The following CHID1 variants were observed in gnomAD, a reference collection of about 807,000 sequenced individuals.
The protein encoded by CHID1 is chitinase domain containing 1.
In CHID1, 44 loss-of-function variants were observed where a neutral mutation model predicts 55.4. The observed-to-expected ratio is 0.79, with a 90% confidence interval of 0.62 to 1.02. The LOEUF is 1.02. Among genes scored for constraint, CHID1 ranks in the 50% least tolerant of loss-of-function variants. The pLI is 0.00. For synonymous variants in CHID1, 216 were observed against 212.9 expected (o/e 1.01, Z -0.13); for missense variants, 491 against 515.3 (o/e 0.95, Z 0.46).
In CHID1 at chr11:870,504, G is replaced by T. The variant is rs1172997286; in HGVS notation, c.960-5C>A. On this transcript the variant is annotated splice_polypyrimidine_tract_variant and splice_region_variant and intron_variant, in intron 10 of 12. Coordinates refer to ENST00000323578, the MANE Select transcript of CHID1 (RefSeq NM_023947.4). ...TCCTTCAGTGTCTGGATGTACCTGGGGAGACCAGGATATGGATTTGGGAGC... is the reference window on the plus strand; with the variant it reads ...TCCTTCAGTGTCTGGATGTACCTGGTGAGACCAGGATATGGATTTGGGAGC... 3 of 1,603,262 alleles carry T rather than the reference G, an allele frequency of 1.9e-6. 1 individual carries two copies. In the Admixed American group the frequency reaches 5.0e-5, roughly 27 times the overall value.
At position 869,636 on chromosome 11, in the gene CHID1, G is replaced by A. The variant is rs1760832240; in HGVS notation, c.*222C>T. 3.4e-6 allele frequency: 2 copies of A among 588,310 alleles called. No homozygotes were observed. Among genetic ancestry groups the A allele is most frequent in the Admixed American group, 3.0e-5 (1 of 33,186 alleles). The allele number at this position is 588,310 out of a possible 1,614,324, so 36.4% of individuals were successfully genotyped here. ...ACAGGAGGCAGCCAGCGGATGCCCGGGTGGGAGGGGCTCGAGCTCTCAGGG... is the reference window on the plus strand; with the variant it reads ...ACAGGAGGCAGCCAGCGGATGCCCGAGTGGGAGGGGCTCGAGCTCTCAGGG... On this transcript the variant is annotated 3_prime_UTR_variant, in exon 13 of 13. Transcript: ENST00000323578.
chr11:896,006 CCTA>C (rs1424010750), intron 7 of CHID1, among the ~76,000 whole-genome samples: 1 of 152,050 alleles, frequency 6.6e-6, no homozygotes, highest in African/African-American at 2.4e-5. Flanking sequence ...CAGCAATCCC[CCTA>C]CTGCCTCCTG....
chr11:914,563 C>T (rs1378406977), upstream of CHID1: 12 of 1,289,236 alleles, frequency 9.3e-6, no homozygotes, highest in Admixed American at 2.3e-4. Flanking sequence ...ATGCCTCTCA[C>T]AGACATCCTC....
At chr11:872,475 G>T (rs1033041570) in intron 10 of CHID1, among the ~76,000 whole-genome samples, 1 of 152,150 alleles carries the variant, frequency 6.6e-6, no homozygotes, top group Non-Finnish European at 1.5e-5. Flanking sequence ...CTCTGGTAAT[G>T]GGATGGCAGC....
chr11:913,925 G>A (rs532660935), upstream of CHID1, among the ~76,000 whole-genome samples: 1 of 152,072 alleles, frequency 6.6e-6, no homozygotes, highest in Non-Finnish European at 1.5e-5. Flanking sequence ...AAAATTAATC[G>A]GACGTGGTGG....
At chr11:913,434 A>G (rs1852799214), upstream of CHID1, among the ~76,000 whole-genome samples, 1 of 152,084 alleles carries the variant, frequency 6.6e-6, no homozygotes, top group Non-Finnish European at 1.5e-5. Context: ...AAAATTGCTT[A>G]ATTGAGTTTA....
rs569810914 is a variant in CHID1, at chr11:875,549, G to A, written c.960-5050C>T. Among the ~76,000 whole-genome samples, 308 of 152,306 alleles carry A rather than the reference G, an allele frequency of 2.0e-3. 2 individuals are homozygous for A. Among genetic ancestry groups the A allele is most frequent in the African/African-American group, 7.2e-3 (298 of 41,570 alleles). The stretch of plus-strand genomic sequence containing the variant: ...TCCTCGTCACTGGCTATCGGAGAGC[G>A]CTGGGGTGTTAGGAGAACACGGTGA... On this transcript the variant is annotated intron_variant, in intron 10 of 12. Transcript: ENST00000323578. The surrounding 1 kb of genome is among the most constrained non-coding windows in gnomAD (Gnocchi z 4.7).
upstream of CHID1, among the ~76,000 whole-genome samples, chr11:911,740 G>C (rs1481313032): frequency 3.2e-4 from 49 of 152,212 alleles, 1 homozygote; most frequent in Admixed American, 3.2e-3. Context: ...GAAGGGGCTG[G>C]GGGCTGCATG....
At chr11:908,989 C>CT (rs1852437741) in intron 1 of CHID1, among the ~76,000 whole-genome samples, 1 of 152,264 alleles carries the variant, frequency 6.6e-6, no homozygotes, top group Non-Finnish European at 1.5e-5. Flanking sequence ...CCTCTGTCCA[C>CT]TCGCGCTTAA....
chr11:893,222 C>T lies in CHID1; in HGVS notation c.701+205G>A, dbSNP rs186798748. Among the ~76,000 whole-genome samples, 397 of 152,342 alleles carry T rather than the reference C, an allele frequency of 2.6e-3. 2 individuals carry two copies. Among genetic ancestry groups the T allele is most frequent in the Admixed American group, 4.8e-3 (73 of 15,308 alleles). On this transcript the variant is annotated intron_variant, in intron 8 of 12. Coordinates refer to ENST00000323578, the MANE Select transcript of CHID1 (RefSeq NM_023947.4). ...TGTCCACTTGGCCCCCAGGTCTGCC[C>T]CTGGGACTCACGTGCTGACTTGGAG... is the stretch of plus-strand genomic sequence containing the variant.
intron 8 of CHID1, 126 bp downstream of exon 8, chr11:893,301 T>C (rs1850977463): frequency 2.7e-6 from 2 of 733,570 alleles, no homozygotes; most frequent in South Asian, 3.6e-5. Flanking sequence ...GAAGCCTCTA[T>C]ACAGACGGGA....
At chr11:893,553 T>C in intron 7 of CHID1, 34 bp from the exon 8 acceptor site, 1 of 1,486,384 alleles carries the variant, frequency 6.7e-7, no homozygotes, top group Non-Finnish European at 9.1e-7. Context: ...CAGCAGTGCC[T>C]GGCACTGAGG....
chr11:894,591 T>C (rs2134257519), intron 7 of CHID1, among the ~76,000 whole-genome samples: 1 of 152,332 alleles, frequency 6.6e-6, no homozygotes, highest in East Asian at 1.9e-4. Context: ...ACTCTCACGC[T>C]GCAGGCCCCT....
upstream of CHID1, chr11:914,166 G>T (rs1173806423): frequency 6.3e-6 from 1 of 158,108 alleles, no homozygotes; most frequent in Admixed American, 6.5e-5. Context: ...ATTGGGTTTT[G>T]AATTTCTAAC....
intron 9 of CHID1, 123 bp from the exon 10 acceptor site, chr11:883,426 TAAAGAA>T: frequency 9.5e-7 from 1 of 1,047,868 alleles, no homozygotes; most frequent in Non-Finnish European, 1.4e-6. Context: ...TAGAGAGTTG[TAAAGAA>T]CAGAAGTCAC....
At position 895,962 on chromosome 11, in the gene CHID1, C is replaced by G. The variant is rs1468224967; in HGVS notation, c.609-2443G>C. Reference sequence around the variant, plus strand: ...GACACGAGGTGCTCGCAGGCTGCTCCCAACCGTCCTCCCCTGCAGTGGCCA... The same window carrying G: ...GACACGAGGTGCTCGCAGGCTGCTCGCAACCGTCCTCCCCTGCAGTGGCCA... On this transcript the variant is annotated intron_variant, in intron 7 of 12. Coordinates refer to ENST00000323578, the MANE Select transcript of CHID1 (RefSeq NM_023947.4). Among the ~76,000 whole-genome samples, 5 of 152,070 alleles carry G rather than the reference C, an allele frequency of 3.3e-5. 1 individual carries two copies. Among genetic ancestry groups the G allele is most frequent in the South Asian group, 4.1e-4 (2 of 4,836 alleles).
At chr11:910,706 C>G in intron 1 of CHID1, 69 bp downstream of exon 1, 1 of 1,258,606 alleles carries the variant, frequency 7.9e-7, no homozygotes. Flanking sequence ...CCCGGCGCGC[C>G]CACTTTGCGG....
chr11:877,465 C>A (rs1054990758), intron 10 of CHID1, among the ~76,000 whole-genome samples: 1 of 152,162 alleles, frequency 6.6e-6, no homozygotes, highest in Non-Finnish European at 1.5e-5. Context: ...TAGAAGATCT[C>A]GAACCCCTGG....
At chr11:893,392 C>A (rs1363902630) in intron 8 of CHID1, 35 bp downstream of exon 8, 1 of 1,527,106 alleles carries the variant, frequency 6.5e-7, no homozygotes, top group Admixed American at 2.0e-5. Flanking sequence ...CAGAGCCCTC[C>A]ACAGCCACCC....
Sources: gnomAD v4.1 joint callset for allele counts (sites outside exome capture counted in the v4.1 genomes callset) on GRCh38, gnomAD v4.1.1 for gene constraint, Gnocchi (gnomAD v3.1) non-coding constraint, MANE v1.5 for transcripts, NCBI Gene and HGNC (gene_info 2026-07-23, HGNC 2026-07-21) for gene names.